The following INSYN2B variants were observed in gnomAD, a reference collection of about 807,000 sequenced individuals.
INSYN2B encodes inhibitory synaptic factor family member 2B, also known as protein INSYN2B.
In INSYN2B, 16 loss-of-function variants were observed where a neutral mutation model predicts 41.2. The ratio of observed to expected loss-of-function variants is 0.39; its 90% confidence interval spans 0.26 to 0.59. The LOEUF (loss-of-function observed/expected upper bound fraction) is 0.59. INSYN2B is among the 20% of genes least tolerant of loss of function. The pLI is 0.57. For missense variants in INSYN2B, 608 were observed against 646.4 expected, an observed-to-expected ratio of 0.94 and a Z score of 0.64; for synonymous variants, 245 against 244.4, an observed-to-expected ratio of 1.00 and a Z score of -0.02.
At chr5:169,969,402 G>A (rs1475205756) in intron 1 of INSYN2B, among the ~76,000 whole-genome samples, 4 of 152,212 alleles carry the variant, frequency 2.6e-5, no homozygotes, top group South Asian at 2.1e-4. Flanking sequence ...CCGAGATCAC[G>A]CCACTGCACT....
At chr5:169,897,757 G>A (rs530146893) in intron 1 of INSYN2B, among the ~76,000 whole-genome samples, 32 of 152,270 alleles carry the variant, frequency 2.1e-4, no homozygotes, top group Non-Finnish European at 4.4e-4. Context: ...CCATCGTCAG[G>A]GCCACATGGG....
chr5:169,971,315 A>G (rs1777500619), intron 1 of INSYN2B, among the ~76,000 whole-genome samples: 1 of 152,174 alleles, frequency 6.6e-6, no homozygotes, highest in African/African-American at 2.4e-5. Flanking sequence ...GGGGCCTGAC[A>G]GGAAGCACAA....
chr5:169,929,482 A>T (rs1775637206), intron 1 of INSYN2B, among the ~76,000 whole-genome samples: 1 of 152,112 alleles, frequency 6.6e-6, no homozygotes, highest in East Asian at 1.9e-4. Context: ...TATGCCTGTC[A>T]TCCCAGCACT....
chr5:169,969,212 A>C (rs767232361), intron 1 of INSYN2B, among the ~76,000 whole-genome samples: 2 of 152,110 alleles, frequency 1.3e-5, no homozygotes, highest in Non-Finnish European at 2.9e-5. Context: ...TGGGAGGCTG[A>C]GGCAGATAGA....
At chr5:169,907,424 T>C (rs923992444) in intron 1 of INSYN2B, among the ~76,000 whole-genome samples, 5 of 152,236 alleles carry the variant, frequency 3.3e-5, no homozygotes, top group African/African-American at 1.2e-4. Flanking sequence ...AAGTGGCTGA[T>C]AATTGGGCTC....
chr5:169,975,815 G>A (rs1394066233), intron 1 of INSYN2B, among the ~76,000 whole-genome samples: 1 of 152,172 alleles, frequency 6.6e-6, no homozygotes, highest in African/African-American at 2.4e-5. Context: ...GGGGATGTGA[G>A]CTTCTTAAGA....
chr5:169,961,838 G>A (rs1434885729), intron 1 of INSYN2B, among the ~76,000 whole-genome samples: 3 of 151,848 alleles, frequency 2.0e-5, no homozygotes, highest in Non-Finnish European at 4.4e-5. Context: ...AATTAGCTGA[G>A]TGTGGTGGCA....
At chr5:169,915,171 G>A (rs1265060053) in intron 1 of INSYN2B, among the ~76,000 whole-genome samples, 5 of 152,188 alleles carry the variant, frequency 3.3e-5, no homozygotes, top group Non-Finnish European at 7.4e-5. Context: ...AAAATCAGAA[G>A]TTGTCTCTGG....
At chr5:169,892,679 C>T (rs1773365902) in intron 1 of INSYN2B, among the ~76,000 whole-genome samples, 1 of 152,156 alleles carries the variant, frequency 6.6e-6, no homozygotes, top group Non-Finnish European at 1.5e-5. Context: ...CTACCTCTAC[C>T]TCCTCTTCAT....
intron 1 of INSYN2B, among the ~76,000 whole-genome samples, chr5:169,892,014 AAAAAGAAAAAAG>A (rs1463473674): frequency 6.6e-6 from 1 of 150,860 alleles, no homozygotes; most frequent in East Asian, 1.9e-4. Context: ...AAAAAAAAAG[AAAAAGAAAAAAG>A]AAAAGAAAAA....
intron 1 of INSYN2B, among the ~76,000 whole-genome samples, chr5:169,902,778 G>C (rs566795464): frequency 6.6e-6 from 1 of 152,300 alleles, no homozygotes; most frequent in Admixed American, 6.5e-5. Context: ...TTCTCCCAGA[G>C]CCCACAGAGT....
intron 1 of INSYN2B, among the ~76,000 whole-genome samples, chr5:169,924,478 TC>T (rs1775334209): frequency 6.6e-6 from 1 of 152,208 alleles, no homozygotes; most frequent in Admixed American, 6.5e-5. Flanking sequence ...AGGACTTTTC[TC>T]ATTTATTTGT....
At chr5:169,971,296 C>T (rs574117680) in intron 1 of INSYN2B, among the ~76,000 whole-genome samples, 71 of 152,154 alleles carry the variant, frequency 4.7e-4, no homozygotes, top group African/African-American at 1.5e-3. Flanking sequence ...GCCAGCCTGC[C>T]GGGGAGCTGG....
At chr5:169,970,278 T>C (rs1777452808) in intron 1 of INSYN2B, among the ~76,000 whole-genome samples, 1 of 152,204 alleles carries the variant, frequency 6.6e-6, no homozygotes, top group Admixed American at 6.5e-5. Flanking sequence ...AAAGACAAAA[T>C]AATTGCTCAA....
chr5:169,947,328 C>T (rs1298685919), intron 1 of INSYN2B, among the ~76,000 whole-genome samples: 1 of 152,202 alleles, frequency 6.6e-6, no homozygotes, highest in Non-Finnish European at 1.5e-5. Context: ...AGAACATTTT[C>T]CAAGGGGAAT....
At chr5:169,934,308 G>A (rs1475437341) in intron 1 of INSYN2B, among the ~76,000 whole-genome samples, 1 of 152,196 alleles carries the variant, frequency 6.6e-6, no homozygotes, top group African/African-American at 2.4e-5. Flanking sequence ...TTCCTGGGCT[G>A]ATTTGCATTC....
chr5:169,875,910 A>C (rs1772303522), intron 3 of INSYN2B: 1 of 152,242 alleles, frequency 6.6e-6, no homozygotes, highest in African/African-American at 2.4e-5. Flanking sequence ...CCCTTTGTTG[A>C]AATTACCACA....
intron 1 of INSYN2B, chr5:169,934,746 T>A (rs189935536): frequency 4.6e-4 from 208 of 455,858 alleles, no homozygotes; most frequent in Non-Finnish European, 8.2e-4. Flanking sequence ...GCTCACGGGA[T>A]CAGTGCTCAG....
chr5:169,945,102 ACTGTGGTTTCATTTTCTTTCT>A (rs1339922970), intron 1 of INSYN2B, among the ~76,000 whole-genome samples: 6 of 152,196 alleles, frequency 3.9e-5, no homozygotes, highest in African/African-American at 1.4e-4. Flanking sequence ...TAGGGAACCG[ACTGTGGTTTCATTTTCTTTCT>A]CTTGGCCCCA....
Sources: allele counts gnomAD v4.1 joint callset (sites outside exome capture counted in the v4.1 genomes callset), GRCh38; gene constraint gnomAD v4.1.1; transcripts MANE v1.5; gene names NCBI Gene and HGNC (gene_info 2026-07-23, HGNC 2026-07-21).